Variants in CDC123 observed in about 807,000 individuals in gnomAD.
CDC123 encodes cell division cycle 123, also known as translation initiation factor eIF2 assembly protein.
A neutral mutation model predicts 54.4 loss-of-function variants in CDC123; 37 were observed. That is an observed-to-expected ratio of 0.68 (90% confidence interval 0.52 to 0.89). CDC123 has a LOEUF of 0.89. Among genes scored for constraint, CDC123 ranks in the 40% least tolerant of loss-of-function variants. The pLI is 0.00. For missense variants in CDC123, 361 were observed against 412.1 expected, an observed-to-expected ratio of 0.88 and a Z score of 1.07; for synonymous variants, 144 against 136.8, an observed-to-expected ratio of 1.05 and a Z score of -0.37.
At chr10:12,217,576 A>G in intron 6 of CDC123, 109 bp downstream of exon 6, 1 of 1,105,878 alleles carries the variant, frequency 9.0e-7, no homozygotes, top group Non-Finnish European at 1.2e-6. Flanking sequence ...GCTCCATATA[A>G]CAAAGCTATT....
chr10:12,197,756 G>A (rs1485223266), intron 1 of CDC123, among the ~76,000 whole-genome samples: 1 of 151,808 alleles, frequency 6.6e-6, no homozygotes, highest in Non-Finnish European at 1.5e-5. Flanking sequence ...TTGCTCTGTC[G>A]CCCAAGCTGG....
intron 2 of CDC123, 86 bp downstream of exon 2, chr10:12,198,862 CCTTTAGCT>C (rs1835399888): frequency 1.3e-6 from 1 of 753,192 alleles, no homozygotes; most frequent in Non-Finnish European, 2.3e-6. Flanking sequence ...CCATTCTTTC[CCTTTAGCT>C]CTTTTTCTCT....
chr10:12,207,235 TG>T (rs1195637234), intron 2 of CDC123, among the ~76,000 whole-genome samples: 9 of 152,156 alleles, frequency 5.9e-5, no homozygotes, highest in Non-Finnish European at 1.2e-4. Flanking sequence ...GTGTCTTTTT[TG>T]TTCTACTTTG....
chr10:12,230,198 G>T (rs1458488480), intron 6 of CDC123, among the ~76,000 whole-genome samples: 1 of 151,166 alleles, frequency 6.6e-6, no homozygotes, highest in Non-Finnish European at 1.5e-5. Flanking sequence ...TTGTTTTTTG[G>T]GTTTTTTTTT....
intron 2 of CDC123, among the ~76,000 whole-genome samples, chr10:12,202,725 A>T (rs971360420): frequency 8.5e-5 from 13 of 152,204 alleles, no homozygotes; most frequent in African/African-American, 3.1e-4. Flanking sequence ...ATCATAAAGG[A>T]TGTTACAGCC....
At chr10:12,226,178 A>G (rs1213938061) in intron 6 of CDC123, among the ~76,000 whole-genome samples, 2 of 152,130 alleles carry the variant, frequency 1.3e-5, no homozygotes, top group Non-Finnish European at 2.9e-5. Flanking sequence ...CAGACACAGC[A>G]ACAATCTGAT....
At chr10:12,230,921 C>T (rs762943299) in intron 6 of CDC123, 27 bp from the exon 7 acceptor site, 2 of 1,607,448 alleles carry the variant, frequency 1.2e-6, no homozygotes, top group African/African-American at 2.7e-5. Flanking sequence ...CAAAAAGATT[C>T]AGTTGCCTTT....
intron 3 of CDC123, 103 bp downstream of exon 3, chr10:12,210,127 G>GA: frequency 2.7e-6 from 4 of 1,457,050 alleles, no homozygotes; most frequent in Non-Finnish European, 3.8e-6. Context: ...GATAAAATGA[G>GA]AAATTACGTG....
chr10:12,202,991 G>A (rs918478344), intron 2 of CDC123, among the ~76,000 whole-genome samples: 2 of 152,184 alleles, frequency 1.3e-5, no homozygotes, highest in African/African-American at 4.8e-5. Flanking sequence ...CCCCAGCCTG[G>A]GCGACAGAGC....
At chr10:12,239,799 G>A (rs748487767) in intron 10 of CDC123, among the ~76,000 whole-genome samples, 36 of 151,828 alleles carry the variant, frequency 2.4e-4, no homozygotes, top group Non-Finnish European at 4.3e-4. Context: ...ACGAGGTCAG[G>A]AGATCGAGAC....
intron 7 of CDC123, among the ~76,000 whole-genome samples, chr10:12,234,437 C>T (rs2131757693): frequency 6.6e-6 from 1 of 152,360 alleles, no homozygotes; most frequent in South Asian, 2.1e-4. Context: ...CCAGGCTGAT[C>T]TTGAACTCCT....
At chr10:12,200,008 A>G (rs868425258) in intron 2 of CDC123, among the ~76,000 whole-genome samples, 1 of 149,732 alleles carries the variant, frequency 6.7e-6, no homozygotes, top group Middle Eastern at 3.4e-3. Flanking sequence ...TTTTTAGTAG[A>G]GATGGGGTTT....
rs78745201 is a variant in CDC123 at position 12,218,797 on chromosome 10, A to G, written c.440+1330A>G. Among the ~76,000 whole-genome samples the G allele has an allele frequency of 3.3e-3, 510 of 152,344 alleles. 1 individual carries two copies. Among genetic ancestry groups the G allele is most frequent in the African/African-American group, 0.012 (492 of 41,582 alleles). Reference sequence around the variant, plus strand: ...TTTCTTTCCTTTTGCCAGTCACTCTATAGCTAAAGAATTTGACAGTGCAGT... The same window carrying G: ...TTTCTTTCCTTTTGCCAGTCACTCTGTAGCTAAAGAATTTGACAGTGCAGT... On this transcript the variant is annotated intron_variant, in intron 6 of 12. Transcript: ENST00000281141.
chr10:12,223,081 A>G (rs1199114355), intron 6 of CDC123, among the ~76,000 whole-genome samples: 3 of 150,934 alleles, frequency 2.0e-5, no homozygotes, highest in Non-Finnish European at 4.4e-5. Flanking sequence ...TTTTTAGTAG[A>G]GACGGGGTTT....
intron 1 of CDC123, 93 bp downstream of exon 1, chr10:12,196,412 CTAGCGACTGCA>C (rs1175055176): frequency 1.3e-6 from 2 of 1,499,656 alleles, no homozygotes; most frequent in Non-Finnish European, 1.8e-6. Flanking sequence ...TGCAGGCCTT[CTAGCGACTGCA>C]TGGGAGGGAG....
intron 6 of CDC123, among the ~76,000 whole-genome samples, chr10:12,226,210 T>G (rs1835810622): frequency 2.0e-5 from 3 of 152,196 alleles, no homozygotes; most frequent in Non-Finnish European, 4.4e-5. Context: ...TTCCCCACAC[T>G]TCCCCCCCTT....
intron 6 of CDC123, among the ~76,000 whole-genome samples, chr10:12,226,928 G>C (rs1001790770): frequency 4.0e-5 from 6 of 151,786 alleles, no homozygotes; most frequent in South Asian, 2.1e-4. Flanking sequence ...AGGTTGTAGC[G>C]AGCCGAGATC....
chr10:12,214,234 T>A (rs575699648), intron 4 of CDC123, among the ~76,000 whole-genome samples: 2 of 152,350 alleles, frequency 1.3e-5, no homozygotes, highest in Non-Finnish European at 2.9e-5. Flanking sequence ...AAAGTTGAAT[T>A]CTTTCCCGTT....
chr10:12,204,092 CAAAAA>C (rs748765566), intron 2 of CDC123, among the ~76,000 whole-genome samples: 3 of 131,158 alleles, frequency 2.3e-5, no homozygotes, highest in Admixed American at 7.9e-5. Context: ...GACCTTGTCT[CAAAAA>C]AAAAAAAAAA....
Sources: allele counts gnomAD v4.1 joint callset (sites outside exome capture counted in the v4.1 genomes callset), GRCh38; gene constraint gnomAD v4.1.1; transcripts MANE v1.5; gene names NCBI Gene and HGNC (gene_info 2026-07-23, HGNC 2026-07-21).